ABHD14A: variants seen among roughly 807,000 people sequenced by gnomAD.
ABHD14A encodes the protein protein ABHD14A.
Under a neutral mutation model 27.0 loss-of-function variants are expected in ABHD14A, and 19 were observed. That is an observed-to-expected ratio of 0.70 (90% CI 0.49 to 1.03). The LOEUF is 1.03. Ranked by LOEUF, ABHD14A falls within the 50% of genes least tolerant of loss-of-function variation. The pLI, the probability that ABHD14A is intolerant of heterozygous loss-of-function variation, is 0.00. For synonymous variants in ABHD14A, 148 were observed against 158.8 expected (o/e 0.93, Z 0.51); for missense variants, 311 against 344.6 (o/e 0.90, Z 0.77).
chr3:51,980,801 G>GC, intron 4 of ABHD14A, 35 bp from the exon 5 acceptor site: 1 of 1,597,280 alleles, frequency 6.3e-7, no homozygotes, highest in Non-Finnish European at 8.6e-7. Flanking sequence ...AACTCATCAG[G>GC]CCCCAAGATC....
At chr3:51,978,429 C>CTGGA in intron 3 of ABHD14A, 55 bp downstream of exon 3, 2 of 1,419,412 alleles carry the variant, frequency 1.4e-6, no homozygotes, top group Non-Finnish European at 1.9e-6. Flanking sequence ...TGGGAGGCAA[C>CTGGA]TGGACCCTAG....
At chr3:51,979,955 G>A (rs372148297) in intron 3 of ABHD14A, among the ~76,000 whole-genome samples, 3 of 150,378 alleles carry the variant, frequency 2.0e-5, no homozygotes, top group East Asian at 2.0e-4. Flanking sequence ...ACAGAGTCTC[G>A]CAGTCGCCCA....
chr3:51,978,379 G>T lies in ABHD14A; in HGVS notation c.397+5G>T. The T allele has an allele frequency of 6.5e-7, 1 of 1,549,542 alleles. No individual in the cohort carries two copies. The highest frequency in any genetic ancestry group is 1.2e-5 in the South Asian group (1 of 83,958). The stretch of plus-strand genomic sequence containing the variant: ...CCGTGGCCCTTGACCTTCCAGGTGA[G>T]CACCCCCACCCCTTTGTCTAGGGAA... On this transcript the variant is annotated splice_donor_5th_base_variant and intron_variant, in intron 3 of 4. Transcript: ENST00000273596.
chr3:51,978,858 C>A, intron 3 of ABHD14A: 1 of 260,272 alleles, frequency 3.8e-6, no homozygotes, highest in Non-Finnish European at 8.3e-6. Flanking sequence ...TCCCCAAGTG[C>A]TGGGATTACA....
At chr3:51,975,465 G>T (rs527634994) in intron 1 of ABHD14A, among the ~76,000 whole-genome samples, 2 of 138,898 alleles carry the variant, frequency 1.4e-5, no homozygotes, top group African/African-American at 2.7e-5. Context: ...TGGGGGGGGG[G>T]TGTGTTCGTT....
chr3:51,978,492 CTG>C, intron 3 of ABHD14A, 118 bp downstream of exon 3: 1 of 635,578 alleles, frequency 1.6e-6, no homozygotes, highest in Non-Finnish European at 2.6e-6. Context: ...ATGAAAAAGT[CTG>C]TGTTTTCATT....
chr3:51,980,675 T>TGGGG (rs753007139), intron 4 of ABHD14A, 47 bp downstream of exon 4: 1 of 1,590,564 alleles, frequency 6.3e-7, no homozygotes, highest in Non-Finnish European at 8.6e-7. Context: ...GTCTGTGGCT[T>TGGGG]GGGGGGGTTC....
chr3:51,975,563 G>T (rs1240382334), intron 1 of ABHD14A, among the ~76,000 whole-genome samples: 1 of 151,914 alleles, frequency 6.6e-6, no homozygotes, highest in African/African-American at 2.4e-5. Flanking sequence ...ACCTGTCTGC[G>T]TGTGTGCATT....
chr3:51,978,323 C>T lies in ABHD14A; in HGVS notation c.346C>T (p.Leu116=), dbSNP rs1308255394. The T allele has an allele frequency of 6.4e-7, 1 of 1,551,844 alleles. No homozygotes were observed. ...NSHTWEQLGT[L]QLLSQRGYRA... The stretch of plus-strand genomic sequence containing the variant: ...TCACACGTGGGAGCAGCTGGGCACA[C>T]TGCAGCTACTGTCACAGAGGGGCTA... Residue 116 remains leucine, a synonymous_variant, in exon 3 of 5, where the codon CTG becomes TTG. Coordinates refer to ENST00000273596, the MANE Select transcript of ABHD14A (RefSeq NM_015407.5).
chr3:51,979,643 C>T (rs535692892), intron 3 of ABHD14A, among the ~76,000 whole-genome samples: 2 of 151,794 alleles, frequency 1.3e-5, no homozygotes, highest in East Asian at 3.9e-4. Flanking sequence ...CCCCACCATG[C>T]CTGGCTAATT....
At chr3:51,977,640 T>A (rs373251079) in intron 1 of ABHD14A, among the ~76,000 whole-genome samples, 1 of 152,260 alleles carries the variant, frequency 6.6e-6, no homozygotes, top group African/African-American at 2.4e-5. Context: ...GCATGCTGTG[T>A]GCCAGAGAAC....
chr3:51,978,159 G>A, intron 2 of ABHD14A, 77 bp downstream of exon 2: 1 of 1,543,236 alleles, frequency 6.5e-7, no homozygotes, highest in Admixed American at 1.9e-5. Flanking sequence ...ATTATACTCA[G>A]GGTGCTCAGG....
At position 51,975,068 on chromosome 3, in the gene ABHD14A, G is replaced by T; in HGVS notation, c.-68G>T. Reference sequence around the variant, plus strand: ...AGGCCCGCGGCTGCGGAGTGCGCAGGCGCGCCGAGATGGCCGCGCTCCTGG... The same window carrying T: ...AGGCCCGCGGCTGCGGAGTGCGCAGTCGCGCCGAGATGGCCGCGCTCCTGG... On this transcript the variant is annotated 5_prime_UTR_variant, in exon 1 of 5. Coordinates refer to ENST00000273596, the MANE Select transcript of ABHD14A (RefSeq NM_015407.5). The T allele has an allele frequency of 7.9e-7, 1 of 1,266,098 alleles. No homozygotes were observed. The highest frequency in any genetic ancestry group is 9.9e-7 in the Non-Finnish European group (1 of 1,005,056). 78.4% of individuals were successfully genotyped at this position (1,266,098 alleles called of 1,614,324 possible). A position where few individuals can be genotyped will look rare whatever the true frequency, so the allele number is the denominator to read the frequency against.
At chr3:51,977,837 T>C (rs1577716010) in intron 1 of ABHD14A, 34 bp from the exon 2 acceptor site, 1 of 1,583,480 alleles carries the variant, frequency 6.3e-7, no homozygotes, top group Non-Finnish European at 8.7e-7. Flanking sequence ...GGGACTCAGT[T>C]CCAGCCTCTT....
In ABHD14A at chr3:51,977,987, C is replaced by T. The variant is rs915043332; in HGVS notation, c.186C>T (p.Leu62=). Residue 62 remains leucine, a synonymous_variant, in exon 2 of 5, where the codon CTC becomes CTT. Coordinates refer to ENST00000273596, the MANE Select transcript of ABHD14A (RefSeq NM_015407.5). ...LPGPPEQTSC[L]WGDPNVTVLA... is the part of the protein sequence containing the mutation. The stretch of plus-strand genomic sequence containing the variant: ...GCCCCCCTGAGCAGACTTCCTGCCT[C>T]TGGGGAGACCCCAATGTCACAGTCC... 5.6e-6 allele frequency: 9 copies of T among 1,614,008 alleles called. No homozygotes were observed. In the Admixed American group the frequency reaches 1.3e-4, roughly 24 times the overall value.
chr3:51,979,879 A>G (rs1700877262), intron 3 of ABHD14A, among the ~76,000 whole-genome samples: 1 of 151,450 alleles, frequency 6.6e-6, no homozygotes, highest in African/African-American at 2.4e-5. Flanking sequence ...GAAAGTGCCC[A>G]TTTCCCCATG....
intron 1 of ABHD14A, among the ~76,000 whole-genome samples, chr3:51,976,296 AC>A (rs976139248): frequency 1.3e-5 from 2 of 152,258 alleles, no homozygotes; most frequent in African/African-American, 4.8e-5. Flanking sequence ...GGCTCAGGAA[AC>A]ATCCCCAAAA....
intron 1 of ABHD14A, among the ~76,000 whole-genome samples, chr3:51,977,042 G>A (rs1700802172): frequency 6.6e-6 from 1 of 152,128 alleles, no homozygotes; most frequent in Non-Finnish European, 1.5e-5. Flanking sequence ...TCTACACTGT[G>A]CTTTTCATTT....
In ABHD14A at chr3:51,977,909, C is replaced by T. The variant is rs34991570; in HGVS notation, c.108C>T (p.Ala36=). ...VQTSMSRSQV[A]LLGLSLLLML... ...CCTCCATGAGCCGGTCCCAGGTAGC[C>T]CTGCTGGGCCTGAGTCTGCTGCTCA... Residue 36 remains alanine, a synonymous_variant, in exon 2 of 5, where the codon GCC becomes GCT. Coordinates refer to ENST00000273596, the MANE Select transcript of ABHD14A (RefSeq NM_015407.5). 1.1e-3 allele frequency: 1,784 copies of T among 1,614,104 alleles called. 24 individuals are homozygous for T. In the African/African-American group the frequency reaches 0.021, roughly 19 times the overall value.
Sources: allele counts gnomAD v4.1 joint callset (sites outside exome capture counted in the v4.1 genomes callset), GRCh38; gene constraint gnomAD v4.1.1; transcripts MANE v1.5; gene names NCBI Gene and HGNC (gene_info 2026-07-23, HGNC 2026-07-21).